Variants in NAV2 observed in about 807,000 individuals in gnomAD.
NAV2 encodes helicase, APC down-regulated 1.
NAV2 carries 54 observed loss-of-function variants against 223.2 expected under a neutral mutation model. That is an observed-to-expected ratio of 0.24 (90% confidence interval 0.19 to 0.30). The LOEUF is 0.30. Among genes scored for constraint, NAV2 ranks in the 10% least tolerant of loss-of-function variants. The pLI is 1.00. For synonymous variants in NAV2, 1,279 were observed against 1,239.3 expected, an observed-to-expected ratio of 1.03 and a Z score of -0.67; for missense variants, 2,806 against 3,147.5, an observed-to-expected ratio of 0.89 and a Z score of 2.60.
Position 20,045,282 on chromosome 11 carries a change from G to C in NAV2, c.3514G>C (p.Ala1172Pro). ...SAGRKSSMDG[A>P]QNQDDGYLAL... ...TGGTCGGAAGTCAAGTATGGATGGG[G>C]CTCAGAATCAGGATGACGGGTATCT... Residue 1172 changes from alanine (A) to proline (P), a missense_variant, in exon 14 of 38, where the codon GCT (alanine) becomes CCT (proline). By Grantham distance (27) the Ala-to-Pro change is conservative (BLOSUM62 -1). Coordinates refer to ENST00000349880, the MANE Select transcript of NAV2 (RefSeq NM_145117.5). The C allele has an allele frequency of 6.2e-7, 1 of 1,614,184 alleles. No homozygotes were observed. Among genetic ancestry groups the C allele is most frequent in the Non-Finnish European group, 8.5e-7 (1 of 1,180,032 alleles).
intron 1 of NAV2, among the ~76,000 whole-genome samples, chr11:19,714,787 C>G (rs1254972689): frequency 6.6e-6 from 1 of 152,180 alleles, no homozygotes; most frequent in Non-Finnish European, 1.5e-5. Context: ...AAGCCCTGGC[C>G]GTGCAATCTC....
At position 19,698,491 on chromosome 11, in the gene NAV2, A is replaced by G. The variant is rs1039182703; in HGVS notation, c.76-133993A>G. Among the ~76,000 whole-genome samples the G allele has an allele frequency of 2.6e-5, 4 of 152,204 alleles. No homozygotes were observed. In the East Asian group the frequency reaches 7.7e-4, roughly 29 times the overall value. On this transcript the variant is annotated intron_variant, in intron 1 of 37. Coordinates refer to the NAV2 transcript ENST00000360655. ...AAAGGGCAGTGGCTTTCCCAAGGTC[A>G]CCCGGACTGTGAAGAGCACAACCAG...
chr11:19,352,302 T>C (rs1215441871), intron 1 of NAV2, among the ~76,000 whole-genome samples: 1 of 152,204 alleles, frequency 6.6e-6, no homozygotes, highest in Non-Finnish European at 1.5e-5. Context: ...GAACCCAGGA[T>C]TGATTGCATT....
At chr11:19,529,846 T>C (rs1009844290) in intron 1 of NAV2, among the ~76,000 whole-genome samples, 2 of 152,186 alleles carry the variant, frequency 1.3e-5, no homozygotes, top group Non-Finnish European at 2.9e-5. Flanking sequence ...TTAGTTGGGT[T>C]CCAGTCAGAA....
At chr11:19,905,973 C>T (rs1450404118) in intron 6 of NAV2, among the ~76,000 whole-genome samples, 1 of 152,134 alleles carries the variant, frequency 6.6e-6, no homozygotes, top group Non-Finnish European at 1.5e-5. Flanking sequence ...CCTATCTTCC[C>T]AGCCCCTCAA....
rs900231377 is a variant in NAV2 at position 19,845,498 on chromosome 11, C to G, written c.438+2575C>G. On this transcript the variant is annotated intron_variant, in intron 3 of 37. Transcript: ENST00000349880. Reference sequence around the variant, plus strand: ...TTAATGCGGTCACTCCCTAAGAAAACAGATAGAGCACCTTTAGGGCCCTTT... The same window carrying G: ...TTAATGCGGTCACTCCCTAAGAAAAGAGATAGAGCACCTTTAGGGCCCTTT... Among the ~76,000 whole-genome samples the G allele has an allele frequency of 1.6e-4, 25 of 152,102 alleles. 1 individual carries two copies. Among genetic ancestry groups the G allele is most frequent in the Non-Finnish European group, 1.5e-5 (1 of 68,008 alleles).
intron 1 of NAV2, among the ~76,000 whole-genome samples, chr11:19,512,804 C>A (rs1157206072): frequency 1.3e-5 from 2 of 152,158 alleles, no homozygotes; most frequent in African/African-American, 2.4e-5. Context: ...CACAGGCATG[C>A]CACCAGACTA....
At chr11:19,361,624 G>T (rs1337534106) in intron 1 of NAV2, among the ~76,000 whole-genome samples, 1 of 152,056 alleles carries the variant, frequency 6.6e-6, no homozygotes, top group Non-Finnish European at 1.5e-5. Flanking sequence ...AGCTTCCTCT[G>T]CCATCTGAGA....
At chr11:19,351,494 G>A (rs186407305) in intron 1 of NAV2, among the ~76,000 whole-genome samples, 6 of 152,178 alleles carry the variant, frequency 3.9e-5, no homozygotes, top group Non-Finnish European at 5.9e-5. Flanking sequence ...CCCTATCTGT[G>A]AGAATGTCAC....
At chr11:19,958,783 A>G (rs1433550682) in intron 10 of NAV2, among the ~76,000 whole-genome samples, 1 of 152,204 alleles carries the variant, frequency 6.6e-6, no homozygotes, top group East Asian at 1.9e-4. Flanking sequence ...GCCCAGGCAG[A>G]CCAATAGCCT....
intron 1 of NAV2, among the ~76,000 whole-genome samples, chr11:19,790,522 A>C (rs945097020): frequency 6.6e-6 from 1 of 152,240 alleles, no homozygotes; most frequent in African/African-American, 2.4e-5. Flanking sequence ...CTTACACAGC[A>C]TAAGGGCTGT....
intron 26 of NAV2, among the ~76,000 whole-genome samples, chr11:20,083,699 G>A (rs934421451): frequency 6.6e-6 from 1 of 152,166 alleles, no homozygotes; most frequent in Non-Finnish European, 1.5e-5. Flanking sequence ...CATGGCCAGG[G>A]TCAGGACAGC....
At chr11:19,469,360 G>A (rs1325106050) in intron 1 of NAV2, among the ~76,000 whole-genome samples, 1 of 152,220 alleles carries the variant, frequency 6.6e-6, no homozygotes, top group African/African-American at 2.4e-5. Flanking sequence ...AAGAGGTGGA[G>A]AATAGCAAGG....
intron 1 of NAV2, among the ~76,000 whole-genome samples, chr11:19,413,123 C>T (rs1564917162): frequency 6.6e-6 from 1 of 152,138 alleles, no homozygotes; most frequent in Non-Finnish European, 1.5e-5. Context: ...TAATAACAAA[C>T]TCCTTCCAGC....
At chr11:19,948,616 A>G (rs2047130919) in intron 9 of NAV2, 75 bp from the exon 10 acceptor site, 1 of 1,415,762 alleles carries the variant, frequency 7.1e-7, no homozygotes, top group Admixed American at 2.4e-5. Context: ...TCATAATTCT[A>G]AATAATTAAA....
chr11:20,107,619 C>A, intron 35 of NAV2, 45 bp from the exon 36 acceptor site: 3 of 1,461,296 alleles, frequency 2.1e-6, no homozygotes, highest in Non-Finnish European at 2.9e-6. Flanking sequence ...TGCCCCATCA[C>A]CCATGCCCAT....
At chr11:19,559,836 T>C (rs1394233898) in intron 1 of NAV2, among the ~76,000 whole-genome samples, 1 of 152,166 alleles carries the variant, frequency 6.6e-6, no homozygotes, top group Non-Finnish European at 1.5e-5. Context: ...CTGGTTTTCA[T>C]GGTCTGCCCC....
At chr11:19,794,343 T>C (rs1288456131) in intron 1 of NAV2, among the ~76,000 whole-genome samples, 6 of 152,186 alleles carry the variant, frequency 3.9e-5, no homozygotes, top group Non-Finnish European at 8.8e-5. Context: ...TTGGTTATAA[T>C]GTATCATCTT....
At chr11:19,473,226 T>A (rs1021701604) in intron 1 of NAV2, among the ~76,000 whole-genome samples, 1 of 152,118 alleles carries the variant, frequency 6.6e-6, no homozygotes, top group Non-Finnish European at 1.5e-5. Flanking sequence ...TGCTTCTTTC[T>A]ATGAGTCTGA....
Sources: allele counts gnomAD v4.1 joint callset (sites outside exome capture counted in the v4.1 genomes callset), GRCh38; gene constraint gnomAD v4.1.1; transcripts MANE v1.5; gene names NCBI Gene and HGNC (gene_info 2026-07-23, HGNC 2026-07-21).